RBFOX1: variants seen among roughly 807,000 people sequenced by gnomAD.
RBFOX1 encodes the protein RNA binding protein fox-1 homolog 1.
In RBFOX1, 8 loss-of-function variants were observed where a neutral mutation model predicts 57.7. That is an observed-to-expected ratio of 0.14 (90% CI 0.08 to 0.25). The LOEUF is 0.25. Among genes scored for constraint, RBFOX1 ranks in the 10% least tolerant of loss-of-function variants. The pLI is 1.00. For synonymous variants in RBFOX1, 326 were observed against 222.4 expected, an observed-to-expected ratio of 1.47 and a Z score of -4.15; for missense variants, 611 against 548.5, an observed-to-expected ratio of 1.11 and a Z score of -1.14.
At chr16:6,498,879 C>T (rs1379464371) in intron 2 of RBFOX1, among the ~76,000 whole-genome samples, 1 of 152,172 alleles carries the variant, frequency 6.6e-6, no homozygotes, top group Non-Finnish European at 1.5e-5. Flanking sequence ...TCTGATCCCT[C>T]AACTAAAATA....
At position 7,122,726 on chromosome 16, in the gene RBFOX1, C is replaced by A. The variant is rs948346744; in HGVS notation, c.27+70628C>A. ...AGCAATCCTACTCCTGGGTTCCTTACCCAAAGATATTGTATATTTATAAAA... is the reference window on the plus strand; with the variant it reads ...AGCAATCCTACTCCTGGGTTCCTTAACCAAAGATATTGTATATTTATAAAA... On this transcript the variant is annotated intron_variant, in intron 4 of 15. Coordinates refer to ENST00000550418, the MANE Select transcript of RBFOX1 (RefSeq NM_018723.4). Among the ~76,000 whole-genome samples, 5 of 152,026 alleles carry A rather than the reference C, an allele frequency of 3.3e-5. No individual in the cohort carries two copies. In the South Asian group the frequency reaches 1.0e-3, roughly 32 times the overall value.
At chr16:7,203,377 G>T (rs895588765) in intron 4 of RBFOX1, among the ~76,000 whole-genome samples, 2 of 152,186 alleles carry the variant, frequency 1.3e-5, no homozygotes, top group Non-Finnish European at 2.9e-5. Flanking sequence ...CTGGTGGAGA[G>T]GAAGGTAGGG....
chr16:7,283,038 G>A (rs1042547086), intron 4 of RBFOX1, among the ~76,000 whole-genome samples: 5 of 152,170 alleles, frequency 3.3e-5, no homozygotes, highest in Non-Finnish European at 7.3e-5. Context: ...TTTTGCAATT[G>A]TGAATTGTGC....
chr16:7,037,152 G>A (rs918130504), intron 3 of RBFOX1, among the ~76,000 whole-genome samples: 13 of 149,688 alleles, frequency 8.7e-5, no homozygotes, highest in South Asian at 4.2e-4. Context: ...ATCTTGTCTT[G>A]TGCTGACCTC....
chr16:6,717,550 T>C (rs543147069), intron 3 of RBFOX1, among the ~76,000 whole-genome samples: 1 of 152,080 alleles, frequency 6.6e-6, no homozygotes, highest in African/African-American at 2.4e-5. Flanking sequence ...ACCTGATGAA[T>C]TAAGATAGCC....
chr16:6,010,430 A>G (rs1353215968), intron 4 of RBFOX1, among the ~76,000 whole-genome samples: 1 of 152,198 alleles, frequency 6.6e-6, no homozygotes, highest in African/African-American at 2.4e-5. Flanking sequence ...CCAGGTACCC[A>G]CAGTGGTAAC....
intron 3 of RBFOX1, among the ~76,000 whole-genome samples, chr16:6,945,784 C>A (rs567774939): frequency 1.3e-5 from 2 of 152,062 alleles, no homozygotes; most frequent in African/African-American, 4.8e-5. Flanking sequence ...CCAGCTACTT[C>A]GGAGGCCGAG....
intron 4 of RBFOX1, among the ~76,000 whole-genome samples, chr16:7,132,618 C>A (rs775080656): frequency 3.4e-5 from 5 of 148,356 alleles, no homozygotes; most frequent in East Asian, 2.0e-4. Flanking sequence ...AAAAAAAAAA[C>A]CACACACACA....
chr16:7,329,294 C>G (rs749351800), intron 4 of RBFOX1, among the ~76,000 whole-genome samples: 3 of 152,342 alleles, frequency 2.0e-5, no homozygotes, highest in Middle Eastern at 6.8e-3. Flanking sequence ...AACTGCCCCA[C>G]TCTCCTTTCA....
At chr16:5,439,651 G>T (rs2068024768) in intron 1 of RBFOX1, among the ~76,000 whole-genome samples, 1 of 152,116 alleles carries the variant, frequency 6.6e-6, no homozygotes, top group Non-Finnish European at 1.5e-5. Flanking sequence ...TTAATGAGAT[G>T]AGAAAGACGG....
chr16:6,632,504 T>C (rs1264390969), intron 2 of RBFOX1, among the ~76,000 whole-genome samples: 1 of 152,224 alleles, frequency 6.6e-6, no homozygotes, highest in Non-Finnish European at 1.5e-5. Context: ...CTGTTATCCA[T>C]GTGCAGAATA....
intron 4 of RBFOX1, among the ~76,000 whole-genome samples, chr16:7,434,536 T>C (rs1171731088): frequency 2.0e-5 from 3 of 151,642 alleles, no homozygotes; most frequent in Non-Finnish European, 2.9e-5. Flanking sequence ...GGAGATGGAC[T>C]GGGAAATAAG....
chr16:6,959,914 C>T (rs368654835), intron 3 of RBFOX1, among the ~76,000 whole-genome samples: 8 of 151,936 alleles, frequency 5.3e-5, no homozygotes, highest in Admixed American at 1.3e-4. Flanking sequence ...CTAGCCTGGG[C>T]GACAAGAGCG....
intron 2 of RBFOX1, among the ~76,000 whole-genome samples, chr16:6,341,561 A>G (rs1224397829): frequency 6.6e-6 from 1 of 152,224 alleles, no homozygotes; most frequent in Admixed American, 6.5e-5. Flanking sequence ...TGCTTTAAAG[A>G]TAATAATGCT....
intron 3 of RBFOX1, among the ~76,000 whole-genome samples, chr16:6,659,124 T>C (rs1011873476): frequency 6.6e-6 from 1 of 151,932 alleles, no homozygotes; most frequent in African/African-American, 2.4e-5. Context: ...TTTTTATTTG[T>C]GGTGTAAAAT....
chr16:7,040,130 C>G (rs971006079), intron 3 of RBFOX1, among the ~76,000 whole-genome samples: 1 of 152,042 alleles, frequency 6.6e-6, no homozygotes, highest in Non-Finnish European at 1.5e-5. Flanking sequence ...AAGCAATTCT[C>G]CTGCCTCAGC....
At chr16:5,423,279 C>T (rs1273342059) in intron 1 of RBFOX1, among the ~76,000 whole-genome samples, 1 of 152,058 alleles carries the variant, frequency 6.6e-6, no homozygotes, top group African/African-American at 2.4e-5. Context: ...GACATTGGTG[C>T]CATCTGTTCA....
intron 1 of RBFOX1, among the ~76,000 whole-genome samples, chr16:6,259,331 G>C (rs890092224): frequency 6.6e-6 from 1 of 152,008 alleles, no homozygotes; most frequent in South Asian, 2.1e-4. Flanking sequence ...CTCTCTAGCC[G>C]TTAGGCAGAG....
intron 7 of RBFOX1, among the ~76,000 whole-genome samples, chr16:7,588,359 A>G (rs373813653): frequency 3.3e-5 from 5 of 152,324 alleles, no homozygotes; most frequent in South Asian, 4.1e-4. Context: ...GTTGAATTCA[A>G]AACTCCCAAG....
Sources: gnomAD v4.1 joint callset for allele counts (sites outside exome capture counted in the v4.1 genomes callset) on GRCh38, gnomAD v4.1.1 for gene constraint, MANE v1.5 for transcripts, NCBI Gene and HGNC (gene_info 2026-07-23, HGNC 2026-07-21) for gene names.